GLIPR1L1: variants seen among roughly 807,000 people sequenced by gnomAD.
GLIPR1L1 encodes GLIPR1 like 1.
A neutral mutation model predicts 29.9 loss-of-function variants in GLIPR1L1; 26 were observed. The observed-to-expected ratio is 0.87, with a 90% CI of 0.64 to 1.21. GLIPR1L1 has a LOEUF of 1.21. GLIPR1L1 is among the 50% of genes most tolerant of loss of function. GLIPR1L1 has a pLI of 0.00. For synonymous variants in GLIPR1L1, 77 were observed against 97.5 expected, an observed-to-expected ratio of 0.79 and a Z score of 1.24; for missense variants, 305 against 290.3, an observed-to-expected ratio of 1.05 and a Z score of -0.37.
chr12:75,334,743 T>C lies in GLIPR1L1; in HGVS notation c.15T>C (p.Asn5=), dbSNP rs747433956. The C allele has an allele frequency of 5.0e-6, 8 of 1,613,886 alleles. No homozygotes were observed. In the East Asian group the frequency reaches 6.7e-5, roughly 13 times the overall value. The change falls in exon 1 of 6, where the codon AAT becomes AAC. Residue 5 remains asparagine (N), a synonymous_variant. Transcript: ENST00000378695. ...CACATCCTTCCATGGCTCTGAAGAA[T>C]AAATTCAGTTGTTTATGGATCTTGG... MALK[N]KFSCLWILGL... is the part of the protein sequence containing the mutation.
At chr12:75,367,307 TCG>T in intron 4 of GLIPR1L1, among the ~76,000 whole-genome samples, 1 of 151,366 alleles carries the variant, frequency 6.6e-6, no homozygotes, top group Non-Finnish European at 1.5e-5. Context: ...TTTGACTCTT[TCG>T]TAGTAACACT....
At chr12:75,358,084 T>C (rs1276107680) in intron 3 of GLIPR1L1, among the ~76,000 whole-genome samples, 1 of 151,324 alleles carries the variant, frequency 6.6e-6, no homozygotes, top group African/African-American at 2.4e-5. Flanking sequence ...ATTAATAAAA[T>C]TTATCATCTG....
chr12:75,354,168 G>A (rs535014622), intron 3 of GLIPR1L1, among the ~76,000 whole-genome samples: 43 of 61,292 alleles, frequency 7.0e-4, no homozygotes, highest in African/African-American at 1.6e-3. Context: ...GAAAAAAAAG[G>A]GGGGGGGGTA....
chr12:75,341,905 A>C (rs963595470), intron 1 of GLIPR1L1, among the ~76,000 whole-genome samples: 10 of 151,068 alleles, frequency 6.6e-5, no homozygotes, highest in Non-Finnish European at 1.5e-5. Context: ...CCGCCCCCAC[A>C]CCTGGCTGAT....
At chr12:75,349,260 T>C (rs1008337033) in intron 3 of GLIPR1L1, among the ~76,000 whole-genome samples, 23 of 152,268 alleles carry the variant, frequency 1.5e-4, no homozygotes, top group African/African-American at 5.3e-4. Context: ...ATGTAAAACC[T>C]GAAAGGATCA....
intron 2 of GLIPR1L1, among the ~76,000 whole-genome samples, chr12:75,345,939 G>A (rs888868101): frequency 6.6e-6 from 1 of 152,140 alleles, no homozygotes; most frequent in African/African-American, 2.4e-5. Context: ...TAAGTAATTA[G>A]GAATGGTTAT....
In GLIPR1L1 at chr12:75,369,943, T is replaced by C. The variant is rs1339860446; in HGVS notation, c.611-17T>C. ...TTTTATAACATTTTATAATATTAAC[T>C]TTAATTTTTACTTTAGGGACTCCAC... On this transcript the variant is annotated splice_polypyrimidine_tract_variant and intron_variant, in intron 4 of 5. Coordinates refer to ENST00000378695, the MANE Select transcript of GLIPR1L1 (RefSeq NM_001304964.2). 5.0e-6 allele frequency: 6 copies of C among 1,201,276 alleles called. No homozygotes were observed. Among genetic ancestry groups the C allele is most frequent in the Non-Finnish European group, 6.8e-6 (6 of 879,332 alleles). 74.4% of individuals were successfully genotyped at this position (1,201,276 alleles called of 1,614,324 possible). A position where few individuals can be genotyped will look rare whatever the true frequency, so the allele number is the denominator to read the frequency against.
chr12:75,361,638 A>C (rs1301684052), intron 3 of GLIPR1L1, among the ~76,000 whole-genome samples: 2 of 152,214 alleles, frequency 1.3e-5, no homozygotes, highest in African/African-American at 4.8e-5. Context: ...ATCATGACAG[A>C]AGGTGAAGGG....
At chr12:75,338,970 C>T (rs1025861908) in intron 1 of GLIPR1L1, among the ~76,000 whole-genome samples, 2 of 152,114 alleles carry the variant, frequency 1.3e-5, no homozygotes, top group African/African-American at 4.8e-5. Context: ...CATGGTGTGT[C>T]TGTAGCACAT....
intron 3 of GLIPR1L1, among the ~76,000 whole-genome samples, chr12:75,348,077 ATGAT>A (rs1348862695): frequency 6.6e-5 from 10 of 152,284 alleles, no homozygotes; most frequent in Non-Finnish European, 1.2e-4. Flanking sequence ...GAATAAGAAA[ATGAT>A]TGAGAATGAT....
chr12:75,337,502 T>C (rs1028946404), intron 1 of GLIPR1L1, among the ~76,000 whole-genome samples: 8 of 151,896 alleles, frequency 5.3e-5, no homozygotes, highest in Non-Finnish European at 1.0e-4. Flanking sequence ...AGAAAATAAA[T>C]GGACAAATGT....
intron 2 of GLIPR1L1, among the ~76,000 whole-genome samples, chr12:75,345,189 T>TG (rs2042367686): frequency 6.6e-6 from 1 of 151,952 alleles, no homozygotes; most frequent in Non-Finnish European, 1.5e-5. Context: ...ACTATGAGAG[T>TG]GTATCAAACT....
At chr12:75,368,555 C>G (rs777650595) in intron 4 of GLIPR1L1, among the ~76,000 whole-genome samples, 7 of 151,602 alleles carry the variant, frequency 4.6e-5, no homozygotes, top group Admixed American at 2.0e-4. Flanking sequence ...CCAATTTGGT[C>G]ATGAGGTTTC....
At chr12:75,368,611 T>A (rs1566016330) in intron 4 of GLIPR1L1, among the ~76,000 whole-genome samples, 1 of 151,828 alleles carries the variant, frequency 6.6e-6, no homozygotes, top group African/African-American at 2.4e-5. Flanking sequence ...ATTTACAAAT[T>A]TTTGCATTTA....
rs1185408752 is a variant in GLIPR1L1, at chr12:75,341,747, C to CTTTTTTTTT, written c.175-1930_175-1922dup. On this transcript the variant is annotated intron_variant, in intron 1 of 5. Transcript: ENST00000378695. ...AGGCGTGAGCCACCGCGCCCGGCCT[C>CTTTTTTTTT]TTTTTTTTTTTTTTTTTTTTTTTTG... is the stretch of plus-strand genomic sequence containing the variant. 1.4e-4 allele frequency among the ~76,000 whole-genome samples: 12 copies of CTTTTTTTTT among 83,406 alleles called. 1 individual carries two copies. Among genetic ancestry groups the CTTTTTTTTT allele is most frequent in the African/African-American group, 5.8e-4 (11 of 18,866 alleles). 54.7% of individuals were successfully genotyped at this position (83,406 alleles called of 152,430 possible).
At chr12:75,340,986 C>A (rs1266652662) in intron 1 of GLIPR1L1, among the ~76,000 whole-genome samples, 1 of 151,006 alleles carries the variant, frequency 6.6e-6, no homozygotes, top group Non-Finnish European at 1.5e-5. Flanking sequence ...GGTGGGAATG[C>A]AAAATGGTAT....
rs549490874 is a variant in GLIPR1L1, at chr12:75,369,769, A to G, written c.611-191A>G. 6.3e-5 allele frequency: 62 copies of G among 984,576 alleles called. No homozygotes were observed. The South Asian group carries it at 2.4e-3, about 38-fold the overall frequency. 61.0% of individuals were successfully genotyped at this position (984,576 alleles called of 1,614,324 possible). On this transcript the variant is annotated intron_variant, in intron 4 of 5. Transcript: ENST00000378695. ...TGTTTTAGAAATATTTGTTGACATA[A>G]CACTGTTGGTAGGAAGCATCGTAAA...
At chr12:75,354,825 G>A (rs1022218967) in intron 3 of GLIPR1L1, among the ~76,000 whole-genome samples, 9 of 151,894 alleles carry the variant, frequency 5.9e-5, no homozygotes, top group South Asian at 2.1e-4. Flanking sequence ...AAATAAGACC[G>A]CACATCTATA....
Position 75,341,747 on chromosome 12 carries a change from CT to C in GLIPR1L1, c.175-1922del, listed in dbSNP as rs1185408752. ...AGGCGTGAGCCACCGCGCCCGGCCT[CT>C]TTTTTTTTTTTTTTTTTTTTTTTGA... On this transcript the variant is annotated intron_variant, in intron 1 of 5. Coordinates refer to ENST00000378695, the MANE Select transcript of GLIPR1L1 (RefSeq NM_001304964.2). Among the ~76,000 whole-genome samples the C allele has an allele frequency of 9.3e-3, 776 of 83,400 alleles. 1 individual carries two copies. Among genetic ancestry groups the C allele is most frequent in the African/African-American group, 0.026 (498 of 18,858 alleles). 54.7% of individuals were successfully genotyped at this position (83,400 alleles called of 152,430 possible). A position where few individuals can be genotyped will look rare whatever the true frequency, so the allele number is the denominator to read the frequency against.
Sources: gnomAD v4.1 joint callset for allele counts (sites outside exome capture counted in the v4.1 genomes callset) on GRCh38, gnomAD v4.1.1 for gene constraint, MANE v1.5 for transcripts, NCBI Gene and HGNC (gene_info 2026-07-23, HGNC 2026-07-21) for gene names.